SCFD2: variants seen among roughly 807,000 people sequenced by gnomAD.
The protein encoded by SCFD2 is sec1 family domain-containing protein 2.
A neutral mutation model predicts 58.9 loss-of-function variants in SCFD2; 54 were observed. That is an observed-to-expected ratio of 0.92 (90% confidence interval 0.74 to 1.15). SCFD2 has a LOEUF of 1.15. SCFD2 is among the 50% of genes most tolerant of loss of function. SCFD2 has a pLI of 0.00. For missense variants in SCFD2, 805 were observed against 836.6 expected (o/e 0.96, Z 0.47); for synonymous variants, 321 against 335.9 (o/e 0.96, Z 0.49).
intron 7 of SCFD2, among the ~76,000 whole-genome samples, chr4:52,893,338 C>G (rs565553508): frequency 3.3e-5 from 5 of 152,090 alleles, no homozygotes; most frequent in Admixed American, 2.6e-4. Flanking sequence ...CCCCAGCAGC[C>G]GGAATTACAG....
chr4:53,243,531 A>C (rs759712656), intron 4 of SCFD2, among the ~76,000 whole-genome samples: 1 of 152,190 alleles, frequency 6.6e-6, no homozygotes, highest in Non-Finnish European at 1.5e-5. Context: ...AAACACACTT[A>C]AGTACACAGA....
intron 4 of SCFD2, among the ~76,000 whole-genome samples, chr4:53,171,046 A>C (rs1220101396): frequency 8.5e-5 from 13 of 152,110 alleles, no homozygotes; most frequent in African/African-American, 3.1e-4. Flanking sequence ...TCTGATAAGG[A>C]CTTCCAGTAC....
At position 53,258,577 on chromosome 4, in the gene SCFD2, T is replaced by TATATATAC. The variant is rs757658747; in HGVS notation, c.1311+15248_1311+15249insGTATATAT. 4.2e-3 allele frequency among the ~76,000 whole-genome samples: 507 copies of TATATATAC among 120,896 alleles called. 2 individuals are homozygous for TATATATAC. The highest frequency in any genetic ancestry group is 7.6e-3 in the African/African-American group (238 of 31,290). 79.3% of individuals were successfully genotyped at this position (120,896 alleles called of 152,430 possible). On this transcript the variant is annotated intron_variant, in intron 4 of 8. Transcript: ENST00000401642. Reference sequence around the variant, plus strand: ...ATATATATATATATATATATATATATACACACACATATATACATAACACAT... The same window carrying TATATATAC: ...ATATATATATATATATATATATATATATATATACACACACACATATATACATAACACAT...
rs549648716 is a variant in SCFD2, at chr4:53,182,208, C to T, written c.1312-36626G>A. The stretch of plus-strand genomic sequence containing the variant: ...CCACACTGCCAAGTCAATCCTAAGC[C>T]AAAAGAACAAAGCTGGAGGCATCAT... On this transcript the variant is annotated intron_variant, in intron 4 of 8. Transcript: ENST00000401642. Among the ~76,000 whole-genome samples, 3 of 152,190 alleles carry T rather than the reference C, an allele frequency of 2.0e-5. No homozygotes were observed. The East Asian group carries it at 5.8e-4, about 29-fold the overall frequency.
intron 4 of SCFD2, among the ~76,000 whole-genome samples, chr4:53,227,992 G>C (rs1445988633): frequency 6.6e-6 from 1 of 152,160 alleles, no homozygotes; most frequent in African/African-American, 2.4e-5. Context: ...GAGTCAGGCA[G>C]AGACAGGATT....
At chr4:53,040,496 A>C (rs1465178699) in intron 5 of SCFD2, among the ~76,000 whole-genome samples, 1 of 152,162 alleles carries the variant, frequency 6.6e-6, no homozygotes, top group Admixed American at 6.6e-5. Context: ...AATAAAAATG[A>C]AACAATGTGA....
intron 5 of SCFD2, among the ~76,000 whole-genome samples, chr4:52,973,465 C>T (rs1218665105): frequency 6.6e-6 from 1 of 152,166 alleles, no homozygotes; most frequent in Non-Finnish European, 1.5e-5. Context: ...CAAGACTAAA[C>T]CAGGAAGAAG....
chr4:53,346,932 A>G (rs10002674), intron 2 of SCFD2, among the ~76,000 whole-genome samples: 148,917 of 152,296 alleles, frequency 0.98, 72,904 homozygotes, highest in Middle Eastern at 1. Flanking sequence ...TTTAATAACA[A>G]ATAACTTTCA....
chr4:53,098,823 T>G (rs1308178697), intron 5 of SCFD2, among the ~76,000 whole-genome samples: 7 of 152,076 alleles, frequency 4.6e-5, no homozygotes, highest in Non-Finnish European at 7.4e-5. Flanking sequence ...GCACACATTC[T>G]GACTTCCTTA....
At chr4:53,146,163 A>AAATTTT (rs1427396710) in intron 4 of SCFD2, among the ~76,000 whole-genome samples, 1 of 152,204 alleles carries the variant, frequency 6.6e-6, no homozygotes, top group Non-Finnish European at 1.5e-5. Flanking sequence ...TCTTTGAGTG[A>AAATTTT]GTCAGTAGAT....
chr4:53,212,388 C>T lies in SCFD2; in HGVS notation c.1311+61438G>A, dbSNP rs544696860. ...ACAATGAAATCAATTACCTAGTCAG[C>T]AGGTGTTTGTCCATGTCACTTCCCA... is the stretch of plus-strand genomic sequence containing the variant. On this transcript the variant is annotated intron_variant, in intron 4 of 8. Transcript: ENST00000401642. 1.4e-4 allele frequency among the ~76,000 whole-genome samples: 22 copies of T among 151,968 alleles called. 1 individual carries two copies. The highest frequency in any genetic ancestry group is 4.4e-4 in the African/African-American group (18 of 41,336).
chr4:53,365,634 A>G lies in SCFD2; in HGVS notation c.308T>C (p.Val103Ala). The change falls in exon 1 of 9, where the codon GTG (valine) becomes GCG (alanine). Residue 103 changes from valine (V) to alanine (A), a missense_variant. Coordinates refer to ENST00000401642, the MANE Select transcript of SCFD2 (RefSeq NM_152540.4). This position sits in a 1 kb window ranked among gnomAD's most constrained non-coding sequence, Gnocchi z 4.3. ...ICRSHFQYCV[V>A]VTTVSHAVHL... ...GACAGCGTGGCTCACGGTTGTGACC[A>G]CCACACAATACTGGAAGTGACTGCG... is the stretch of plus-strand genomic sequence containing the variant. The G allele has an allele frequency of 6.2e-7, 1 of 1,614,186 alleles. No individual in the cohort carries two copies. Among genetic ancestry groups the G allele is most frequent in the East Asian group, 2.2e-5 (1 of 44,884 alleles).
chr4:53,216,882 T>C (rs1414200609), intron 4 of SCFD2, among the ~76,000 whole-genome samples: 1 of 152,232 alleles, frequency 6.6e-6, no homozygotes, highest in Non-Finnish European at 1.5e-5. Flanking sequence ...CATCTTTATT[T>C]CTGCCTTCAT....
intron 4 of SCFD2, among the ~76,000 whole-genome samples, chr4:53,190,857 C>T (rs1420410043): frequency 6.8e-6 from 1 of 146,904 alleles, no homozygotes; most frequent in African/African-American, 2.7e-5. Context: ...CTGTGAACTC[C>T]TTCAGAAGTT....
intron 5 of SCFD2, among the ~76,000 whole-genome samples, chr4:53,107,480 C>A (rs1363962061): frequency 6.6e-6 from 1 of 152,124 alleles, no homozygotes; most frequent in Non-Finnish European, 1.5e-5. Flanking sequence ...TTCAGGAGAT[C>A]TACCTCATGT....
chr4:52,955,771 G>C (rs948367460), intron 5 of SCFD2, among the ~76,000 whole-genome samples: 4 of 152,178 alleles, frequency 2.6e-5, no homozygotes, highest in African/African-American at 9.6e-5. Flanking sequence ...TATACATAGA[G>C]AAATAAAAGA....
chr4:53,144,169 G>T (rs901502751), intron 5 of SCFD2, among the ~76,000 whole-genome samples: 1 of 151,832 alleles, frequency 6.6e-6, no homozygotes, highest in African/African-American at 2.4e-5. Flanking sequence ...ATATAAGGCT[G>T]GGCATGGTGG....
At chr4:52,879,935 A>G (rs1718568095) in intron 8 of SCFD2, among the ~76,000 whole-genome samples, 1 of 152,226 alleles carries the variant, frequency 6.6e-6, no homozygotes, top group Admixed American at 6.5e-5. Flanking sequence ...ATGCACAGGC[A>G]CCAACATGCA....
At chr4:52,988,476 A>C (rs1328611584) in intron 5 of SCFD2, among the ~76,000 whole-genome samples, 1 of 152,216 alleles carries the variant, frequency 6.6e-6, no homozygotes, top group Non-Finnish European at 1.5e-5. Flanking sequence ...CTTGGGCTCC[A>C]GAAAGGCTTT....
Sources: gnomAD v4.1 joint callset for allele counts (sites outside exome capture counted in the v4.1 genomes callset) on GRCh38, gnomAD v4.1.1 for gene constraint, Gnocchi (gnomAD v3.1) non-coding constraint, MANE v1.5 for transcripts, NCBI Gene and HGNC (gene_info 2026-07-23, HGNC 2026-07-21) for gene names.